Variants in PIP5K1A observed in about 807,000 individuals in gnomAD.
PIP5K1A encodes the protein phosphatidylinositol 4-phosphate 5-kinase type-1 alpha.
PIP5K1A carries 46 observed loss-of-function variants against 72.9 expected under a neutral mutation model. The ratio of observed to expected loss-of-function variants is 0.63; its 90% CI spans 0.50 to 0.81. The LOEUF (loss-of-function observed/expected upper bound fraction) is 0.81. PIP5K1A is among the 30% of genes least tolerant of loss of function. The probability of loss-of-function intolerance (pLI) is 0.00; values close to 1 mark genes in which losing one functional copy is unlikely to be tolerated. For missense variants in PIP5K1A, 458 were observed against 706.1 expected, an observed-to-expected ratio of 0.65 and a Z score of 3.98; for synonymous variants, 228 against 255.1, an observed-to-expected ratio of 0.89 and a Z score of 1.01.
chr1:151,224,718 T>C (rs1025767096), intron 3 of PIP5K1A, among the ~76,000 whole-genome samples: 23 of 152,328 alleles, frequency 1.5e-4, no homozygotes, highest in African/African-American at 5.0e-4. Context: ...TTTGCTGTTA[T>C]GGCCTCCTGA....
intron 1 of PIP5K1A, among the ~76,000 whole-genome samples, chr1:151,212,506 T>C (rs1686964061): frequency 6.6e-6 from 1 of 152,110 alleles, no homozygotes; most frequent in Non-Finnish European, 1.5e-5. Flanking sequence ...AGGATCAAAA[T>C]GGAATGCTTC....
intron 8 of PIP5K1A, among the ~76,000 whole-genome samples, chr1:151,234,878 A>G (rs587760487): frequency 6.6e-6 from 1 of 152,190 alleles, no homozygotes; most frequent in South Asian, 2.1e-4. Context: ...ATGATATCCA[A>G]CCCCACTTGG....
At chr1:151,212,271 G>C (rs1686933336) in intron 1 of PIP5K1A, among the ~76,000 whole-genome samples, 2 of 152,162 alleles carry the variant, frequency 1.3e-5, no homozygotes. Flanking sequence ...TTAAAGTTCA[G>C]CTCATTTCTC....
intron 3 of PIP5K1A, among the ~76,000 whole-genome samples, chr1:151,225,701 C>T (rs1202796735): frequency 6.6e-6 from 1 of 151,846 alleles, no homozygotes; most frequent in African/African-American, 2.4e-5. Context: ...AACTCCTGAC[C>T]TCAGGTGATC....
chr1:151,203,273 ATT>A (rs1429214750), intron 1 of PIP5K1A, among the ~76,000 whole-genome samples: 1 of 152,022 alleles, frequency 6.6e-6, no homozygotes, highest in Non-Finnish European at 1.5e-5. Flanking sequence ...TCACACCTAT[ATT>A]CTCAGCACTT....
At chr1:151,243,436 G>C (rs1440771037) in intron 14 of PIP5K1A, among the ~76,000 whole-genome samples, 1 of 152,144 alleles carries the variant, frequency 6.6e-6, no homozygotes, top group Non-Finnish European at 1.5e-5. Context: ...GCATACAATG[G>C]TGAGACAGGC....
At chr1:151,217,566 A>C (rs1687820407) in intron 1 of PIP5K1A, among the ~76,000 whole-genome samples, 1 of 151,962 alleles carries the variant, frequency 6.6e-6, no homozygotes, top group South Asian at 2.1e-4. Flanking sequence ...AAGCATTTTA[A>C]TTTTATTAAT....
At chr1:151,237,601 A>G (rs1243328090) in intron 9 of PIP5K1A, among the ~76,000 whole-genome samples, 1 of 152,156 alleles carries the variant, frequency 6.6e-6, no homozygotes, top group Non-Finnish European at 1.5e-5. Flanking sequence ...TCAAGGCTGC[A>G]GTGAGCCACT....
At chr1:151,231,618 GT>G in intron 4 of PIP5K1A, 52 bp from the exon 5 acceptor site, 1 of 1,541,404 alleles carries the variant, frequency 6.5e-7, no homozygotes, top group South Asian at 1.1e-5. Flanking sequence ...AATTTTTATT[GT>G]TATGATCCTA....
intron 3 of PIP5K1A, 186 bp from the exon 4 acceptor site, chr1:151,227,134 C>T: frequency 2.2e-6 from 1 of 454,500 alleles, no homozygotes; most frequent in Non-Finnish European, 3.9e-6. Context: ...ATCTTTTAGC[C>T]ACTTAATTCA....
chr1:151,212,530 CAG>C (rs1319117786), intron 1 of PIP5K1A, among the ~76,000 whole-genome samples: 2 of 152,044 alleles, frequency 1.3e-5, no homozygotes, highest in African/African-American at 4.8e-5. Context: ...AGGACTGGTA[CAG>C]AGTTACTCAG....
chr1:151,202,737 G>T (rs1685376504), intron 1 of PIP5K1A, among the ~76,000 whole-genome samples: 1 of 149,926 alleles, frequency 6.7e-6, no homozygotes, highest in Admixed American at 6.7e-5. Flanking sequence ...CCATAGTGCT[G>T]GGATTACAGG....
intron 1 of PIP5K1A, among the ~76,000 whole-genome samples, chr1:151,222,225 T>C (rs143155949): frequency 1.8e-3 from 274 of 152,354 alleles, no homozygotes; most frequent in South Asian, 7.7e-3. Flanking sequence ...GAAGGTTTTG[T>C]GTCCTGATTC....
chr1:151,214,726 G>A (rs1288493785), intron 1 of PIP5K1A, among the ~76,000 whole-genome samples: 1 of 151,794 alleles, frequency 6.6e-6, no homozygotes, highest in Non-Finnish European at 1.5e-5. Context: ...GAGCGGAAGA[G>A]CCTCAAACAA....
intron 4 of PIP5K1A, among the ~76,000 whole-genome samples, chr1:151,230,199 C>T (rs1043468593): frequency 3.9e-5 from 6 of 152,230 alleles, no homozygotes; most frequent in Non-Finnish European, 5.9e-5. Flanking sequence ...GCAAAGCTAT[C>T]TAATCAAAGT....
chr1:151,231,458 G>C (rs1240513902), intron 4 of PIP5K1A, among the ~76,000 whole-genome samples: 2 of 152,122 alleles, frequency 1.3e-5, no homozygotes. Flanking sequence ...TTGCTACTCT[G>C]TATCCTCACT....
chr1:151,246,021 C>T lies in PIP5K1A; in HGVS notation c.1641-899C>T, dbSNP rs587638219. Among the ~76,000 whole-genome samples the T allele has an allele frequency of 6.6e-5, 10 of 152,132 alleles. No individual in the cohort carries two copies. In the South Asian group the frequency reaches 1.5e-3, roughly 22 times the overall value. ...TGGCACTTTGGGAGGCCGAGGAGGG[C>T]GGATCACCTGAGGCCAGAAGTTCGA... is the stretch of plus-strand genomic sequence containing the variant. On this transcript the variant is annotated intron_variant, in intron 14 of 15. Coordinates refer to ENST00000368888, the MANE Select transcript of PIP5K1A (RefSeq NM_001135638.2).
chr1:151,223,670 G>A (rs1171035424), intron 1 of PIP5K1A, among the ~76,000 whole-genome samples: 40 of 148,914 alleles, frequency 2.7e-4, no homozygotes, highest in African/African-American at 9.9e-4. Context: ...GCGACAGAGC[G>A]AGACTCCATC....
intron 1 of PIP5K1A, 66 bp from the exon 2 acceptor site, chr1:151,224,179 T>G: frequency 7.2e-7 from 1 of 1,395,568 alleles, no homozygotes; most frequent in African/African-American, 1.4e-5. Context: ...TCTGATGGTT[T>G]CAGTATGCTT....
Sources: gnomAD v4.1 joint callset for allele counts (sites outside exome capture counted in the v4.1 genomes callset) on GRCh38, gnomAD v4.1.1 for gene constraint, MANE v1.5 for transcripts, NCBI Gene and HGNC (gene_info 2026-07-23, HGNC 2026-07-21) for gene names.